The following MYO5A variants were observed in gnomAD, a reference collection of about 807,000 sequenced individuals.
The protein encoded by MYO5A is myosin VA.
Under a neutral mutation model 249.7 loss-of-function variants are expected in MYO5A, and 98 were observed. That is an observed-to-expected ratio of 0.39 (90% confidence interval 0.33 to 0.46). The LOEUF (loss-of-function observed/expected upper bound fraction) is 0.46. Ranked by LOEUF, MYO5A falls within the 20% of genes least tolerant of loss-of-function variation. The pLI is 0.98. For missense variants in MYO5A, 1,696 were observed against 2,308.8 expected (o/e 0.73, Z 5.44); for synonymous variants, 778 against 810.6 (o/e 0.96, Z 0.68).
In MYO5A at chr15:52,367,133, T is replaced by C. The variant is rs1247266027; in HGVS notation, c.3067-9A>G. The C allele has an allele frequency of 3.7e-6, 6 of 1,609,738 alleles. No homozygotes were observed. The East Asian group carries it at 6.7e-5, about 18-fold the overall frequency. ...TTCAGATTTGATACCAGCTACGAAA[T>C]GAAACAATAAACTGAGATGGTTGCA... On this transcript the variant is annotated splice_polypyrimidine_tract_variant and intron_variant, in intron 22 of 41. Transcript: ENST00000399233.
intron 30 of MYO5A, among the ~76,000 whole-genome samples, chr15:52,345,708 TG>T (rs1449909140): frequency 3.9e-5 from 6 of 152,194 alleles, no homozygotes; most frequent in Non-Finnish European, 8.8e-5. Flanking sequence ...AGGGATCCAA[TG>T]GATATTGAGG....
chr15:52,390,623 A>G (rs935204855), intron 12 of MYO5A, among the ~76,000 whole-genome samples: 4 of 149,240 alleles, frequency 2.7e-5, no homozygotes, highest in African/African-American at 1.0e-4. Context: ...GCAATGGCAC[A>G]ATCTCGGCTC....
intron 39 of MYO5A, among the ~76,000 whole-genome samples, chr15:52,318,360 G>A (rs150963860): frequency 0.037 from 5,501 of 149,522 alleles, 338 homozygotes; most frequent in African/African-American, 0.13. Context: ...GGAGGCTGAG[G>A]CAGGAGAATT....
intron 1 of MYO5A, among the ~76,000 whole-genome samples, chr15:52,514,141 A>C (rs1446379851): frequency 2.0e-5 from 3 of 152,238 alleles, no homozygotes; most frequent in Admixed American, 6.5e-5. Flanking sequence ...TTCCAATGAT[A>C]ATTTATTGTA....
intron 33 of MYO5A, among the ~76,000 whole-genome samples, chr15:52,337,589 C>T (rs896429270): frequency 6.6e-5 from 10 of 152,334 alleles, no homozygotes; most frequent in South Asian, 2.1e-4. Flanking sequence ...GCTTCCATCA[C>T]ACTGTAAGCC....
intron 1 of MYO5A, among the ~76,000 whole-genome samples, chr15:52,477,558 T>C (rs1235933436): frequency 2.6e-5 from 4 of 152,232 alleles, no homozygotes; most frequent in African/African-American, 9.6e-5. Flanking sequence ...ACCTTTGGTC[T>C]TTAGTGATGG....
intron 1 of MYO5A, among the ~76,000 whole-genome samples, chr15:52,475,467 T>C (rs147173381): frequency 5.6e-4 from 85 of 152,354 alleles, no homozygotes; most frequent in African/African-American, 1.9e-3. Context: ...CTAGTTCTTT[T>C]AATTGTGATG....
intron 6 of MYO5A, among the ~76,000 whole-genome samples, chr15:52,409,367 T>A (rs1233158595): frequency 2.0e-5 from 3 of 152,182 alleles, no homozygotes; most frequent in Admixed American, 6.5e-5. Context: ...AAAAAACCTA[T>A]AGAAATAGCC....
intron 1 of MYO5A, among the ~76,000 whole-genome samples, chr15:52,439,763 A>C (rs1237684409): frequency 6.6e-6 from 1 of 152,164 alleles, no homozygotes; most frequent in East Asian, 1.9e-4. Context: ...TGATGTAGAA[A>C]CTGGTAGGAG....
chr15:52,477,028 G>A (rs989058120), intron 1 of MYO5A, among the ~76,000 whole-genome samples: 3 of 152,172 alleles, frequency 2.0e-5, no homozygotes, highest in African/African-American at 4.8e-5. Flanking sequence ...TTTCAGGTAC[G>A]CCAATCAGAT....
chr15:52,425,767 T>C, intron 4 of MYO5A, 63 bp downstream of exon 4: 1 of 1,571,986 alleles, frequency 6.4e-7, no homozygotes, highest in Non-Finnish European at 8.7e-7. Flanking sequence ...ATATGTGACT[T>C]AGCAAGAAGA....
intron 1 of MYO5A, among the ~76,000 whole-genome samples, chr15:52,488,692 A>G (rs1034777083): frequency 2.0e-5 from 3 of 152,236 alleles, no homozygotes; most frequent in African/African-American, 7.2e-5. Flanking sequence ...AATGTTGGGA[A>G]AAAGAAGAAA....
intron 1 of MYO5A, among the ~76,000 whole-genome samples, chr15:52,519,834 G>A (rs1374472098): frequency 3.3e-5 from 5 of 151,870 alleles, no homozygotes; most frequent in Non-Finnish European, 7.4e-5. Context: ...GGGTTCAAGC[G>A]ATTCTCCTGC....
intron 1 of MYO5A, among the ~76,000 whole-genome samples, chr15:52,435,247 T>C (rs1297041281): frequency 6.6e-6 from 1 of 150,402 alleles, no homozygotes; most frequent in Non-Finnish European, 1.5e-5. Context: ...GCCACTGTCC[T>C]GGATATTACG....
At chr15:52,318,011 T>C (rs2038107536) in intron 39 of MYO5A, among the ~76,000 whole-genome samples, 1 of 152,176 alleles carries the variant, frequency 6.6e-6, no homozygotes, top group Non-Finnish European at 1.5e-5. Flanking sequence ...AGGAAGGCAT[T>C]ATTGTCTTAA....
chr15:52,414,482 G>T (rs1371572962), intron 5 of MYO5A, among the ~76,000 whole-genome samples: 4 of 151,768 alleles, frequency 2.6e-5, no homozygotes, highest in Non-Finnish European at 5.9e-5. Context: ...GGTTTTTTTT[G>T]AAAGAGGTCA....
chr15:52,433,764 C>G (rs1331393757), intron 1 of MYO5A, among the ~76,000 whole-genome samples: 1 of 152,020 alleles, frequency 6.6e-6, no homozygotes, highest in Non-Finnish European at 1.5e-5. Context: ...TATTTTAGCT[C>G]TCATAGCACC....
intron 24 of MYO5A, among the ~76,000 whole-genome samples, chr15:52,364,190 A>G (rs2040689096): frequency 1.3e-5 from 2 of 151,918 alleles, no homozygotes; most frequent in South Asian, 4.2e-4. Context: ...GTGAGCCGAG[A>G]TTGTGCCACT....
intron 1 of MYO5A, among the ~76,000 whole-genome samples, chr15:52,506,611 C>T (rs2693465): frequency 0.79 from 119,368 of 151,482 alleles, 47,462 homozygotes; most frequent in South Asian, 0.85. Context: ...ACAAGGAGGG[C>T]GGATCTCTTG....
Sources: allele counts gnomAD v4.1 joint callset (sites outside exome capture counted in the v4.1 genomes callset), GRCh38; gene constraint gnomAD v4.1.1; transcripts MANE v1.5; gene names NCBI Gene and HGNC (gene_info 2026-07-23, HGNC 2026-07-21).